Variants in NOL10 observed in about 807,000 individuals in gnomAD.
NOL10 encodes nucleolar protein 10.
Under a neutral mutation model 103.5 loss-of-function variants are expected in NOL10, and 58 were observed. The ratio of observed to expected loss-of-function variants is 0.56; its 90% CI spans 0.45 to 0.70. The LOEUF is 0.70. Among genes scored for constraint, NOL10 ranks in the 30% least tolerant of loss-of-function variants. The probability of loss-of-function intolerance (pLI) is 0.00; values close to 1 mark genes in which losing one functional copy is unlikely to be tolerated. For synonymous variants in NOL10, 287 were observed against 282.5 expected (o/e 1.02, Z -0.16); for missense variants, 763 against 807.3 (o/e 0.95, Z 0.67).
chr2:10,659,946 CAA>C (rs988498267), intron 9 of NOL10, among the ~76,000 whole-genome samples: 8 of 152,118 alleles, frequency 5.3e-5, no homozygotes, highest in Admixed American at 2.0e-4. Flanking sequence ...CTGAAAGTAC[CAA>C]AGACAGAGTG....
At chr2:10,678,177 T>C (rs1681461984) in intron 3 of NOL10, among the ~76,000 whole-genome samples, 1 of 151,750 alleles carries the variant, frequency 6.6e-6, no homozygotes, top group African/African-American at 2.4e-5. Flanking sequence ...GCCTCGTGAG[T>C]AGCTGACACT....
At chr2:10,676,723 C>T (rs10168403) in intron 3 of NOL10, among the ~76,000 whole-genome samples, 1,995 of 151,186 alleles carry the variant, frequency 0.013, 42 homozygotes, top group African/African-American at 0.046. Flanking sequence ...CTGCAACCTC[C>T]GCCTCCCAGG....
chr2:10,684,893 G>A (rs954692442), intron 1 of NOL10, among the ~76,000 whole-genome samples: 3 of 152,014 alleles, frequency 2.0e-5, no homozygotes, highest in African/African-American at 4.8e-5. Context: ...ACAATGATGC[G>A]ATGTGACTGT....
At chr2:10,664,031 G>C (rs1680403116) in intron 8 of NOL10, among the ~76,000 whole-genome samples, 1 of 151,818 alleles carries the variant, frequency 6.6e-6, no homozygotes, top group Admixed American at 6.6e-5. Context: ...TGAGGCAGGA[G>C]AATTGCTTGA....
At chr2:10,685,524 A>G (rs1009663919) in intron 1 of NOL10, among the ~76,000 whole-genome samples, 22 of 141,192 alleles carry the variant, frequency 1.6e-4, no homozygotes, top group Non-Finnish European at 3.0e-4. Context: ...AAAAAAGAAA[A>G]AAACAGGCTT....
chr2:10,623,309 C>T (rs535047607), intron 13 of NOL10, among the ~76,000 whole-genome samples: 4 of 152,208 alleles, frequency 2.6e-5, no homozygotes, highest in South Asian at 2.1e-4. Context: ...CCTTAAGAGC[C>T]GCTGAAAAAC....
intron 14 of NOL10, among the ~76,000 whole-genome samples, chr2:10,605,211 C>A (rs1558284372): frequency 6.6e-6 from 1 of 152,224 alleles, no homozygotes; most frequent in Non-Finnish European, 1.5e-5. Flanking sequence ...ATATCAGCCA[C>A]TATGCTATCC....
chr2:10,581,878 G>C (rs1674774049), intron 19 of NOL10, among the ~76,000 whole-genome samples: 1 of 152,158 alleles, frequency 6.6e-6, no homozygotes, highest in Non-Finnish European at 1.5e-5. Flanking sequence ...TACAGGTATA[G>C]ATGTGTGAGT....
rs775729325 is a variant in NOL10 at position 10,603,033 on chromosome 2, G to C, written c.1233+45C>G. ...AGTAGTGAGGAAATGGCCACAGACT[G>C]CGCATTAGTTACCTGAAACATAATA... On this transcript the variant is annotated intron_variant, in intron 15 of 20. Transcript: ENST00000381685. 2.1e-6 allele frequency: 3 copies of C among 1,451,210 alleles called. No individual in the cohort carries two copies. The Admixed American group carries it at 5.7e-5, about 27-fold the overall frequency. The allele number at this position is 1,451,210 out of a possible 1,614,324, so 89.9% of individuals were successfully genotyped here.
At chr2:10,667,109 C>T (rs2148334074) in intron 8 of NOL10, 109 bp downstream of exon 8, 1 of 731,276 alleles carries the variant, frequency 1.4e-6, no homozygotes. Context: ...TTCAAGCTAT[C>T]ACCTCATTAT....
In NOL10 at chr2:10,572,199, G is replaced by C. The variant is rs138726480; in HGVS notation, c.1948-9C>G. The C allele has an allele frequency of 9.8e-4, 1,579 of 1,613,604 alleles. 16 individuals are homozygous for C. In the African/African-American group the frequency reaches 0.019, roughly 19 times the overall value. The stretch of plus-strand genomic sequence containing the variant: ...TTCTTCTGCTGTTCAGACTAAAAGA[G>C]AAAATGAAATGAGTAGAGGGAAAGA... On this transcript the variant is annotated splice_polypyrimidine_tract_variant and intron_variant, in intron 20 of 20. Transcript: ENST00000381685.
chr2:10,628,460 T>C (rs1393598544), intron 13 of NOL10, among the ~76,000 whole-genome samples: 7 of 152,194 alleles, frequency 4.6e-5, no homozygotes, highest in African/African-American at 1.7e-4. Context: ...CTAGGCACCA[T>C]CTCACCCATT....
intron 13 of NOL10, among the ~76,000 whole-genome samples, chr2:10,620,138 C>A (rs1205759862): frequency 6.6e-6 from 1 of 152,194 alleles, no homozygotes; most frequent in African/African-American, 2.4e-5. Flanking sequence ...GTTAGTAACA[C>A]AGATGGTTTG....
At position 10,589,729 on chromosome 2, in the gene NOL10, T is replaced by C; in HGVS notation, c.1445A>G (p.Asp482Gly). 6.5e-7 allele frequency: 1 copy of C among 1,550,138 alleles called. No homozygotes were observed. Among genetic ancestry groups the C allele is most frequent in the Non-Finnish European group, 8.7e-7 (1 of 1,152,534 alleles). Residue 482 changes from aspartate (D) to glycine (G), a missense_variant, in exon 18 of 21, where the codon GAT becomes GGT. Asp to Gly is a moderately conservative substitution (Grantham distance 94). Transcript: ENST00000381685. ...CTCAAACATAACTTTAAATCGATCATCGGTGAGAATATTAGGAAGACTCTA... is the reference window on the plus strand; with the variant it reads ...CTCAAACATAACTTTAAATCGATCACCGGTGAGAATATTAGGAAGACTCTA... ...KVKSLPNILTDDRFKVMFENP... is the reference protein window; with the variant it reads ...KVKSLPNILTGDRFKVMFENP...
At chr2:10,593,112 C>A (rs1002075619) in intron 17 of NOL10, among the ~76,000 whole-genome samples, 4 of 151,478 alleles carry the variant, frequency 2.6e-5, no homozygotes, top group Non-Finnish European at 1.5e-5. Flanking sequence ...AGAATGATTG[C>A]CATTTGAAAC....
chr2:10,623,425 T>A (rs1440581592), intron 13 of NOL10, among the ~76,000 whole-genome samples: 1 of 152,170 alleles, frequency 6.6e-6, no homozygotes, highest in Non-Finnish European at 1.5e-5. Context: ...CTATCCACCA[T>A]CACTGCCTAA....
At chr2:10,605,819 ATTCAGCTCTTTT>A (rs1676225362) in intron 14 of NOL10, among the ~76,000 whole-genome samples, 1 of 152,238 alleles carries the variant, frequency 6.6e-6, no homozygotes, top group African/African-American at 2.4e-5. Context: ...AAAAGGCTAA[ATTCAGCTCTTTT>A]TTGGTAGTAA....
At chr2:10,670,363 A>G (rs1680847605) in intron 6 of NOL10, among the ~76,000 whole-genome samples, 1 of 152,196 alleles carries the variant, frequency 6.6e-6, no homozygotes, top group Non-Finnish European at 1.5e-5. Flanking sequence ...TTTTGCCTAC[A>G]ATTTATCTCG....
At chr2:10,632,102 C>A (rs185128098) in intron 13 of NOL10, among the ~76,000 whole-genome samples, 1 of 152,154 alleles carries the variant, frequency 6.6e-6, no homozygotes, top group African/African-American at 2.4e-5. Flanking sequence ...TTATCAAAGA[C>A]GCTCCAAATT....
Sources: allele counts gnomAD v4.1 joint callset (sites outside exome capture counted in the v4.1 genomes callset), GRCh38; gene constraint gnomAD v4.1.1; transcripts MANE v1.5; gene names NCBI Gene and HGNC (gene_info 2026-07-23, HGNC 2026-07-21).